LINGO1: variants seen among roughly 807,000 people sequenced by gnomAD.
LINGO1 encodes the protein leucine rich repeat and Ig domain containing 1.
A neutral mutation model predicts 37.3 loss-of-function variants in LINGO1; 11 were observed. The observed-to-expected ratio is 0.29, with a 90% confidence interval of 0.19 to 0.49. LINGO1 has a LOEUF of 0.49. LINGO1 is among the 20% of genes least tolerant of loss of function. The pLI is 0.99. For synonymous variants in LINGO1, 387 were observed against 403.0 expected, an observed-to-expected ratio of 0.96 and a Z score of 0.48; for missense variants, 585 against 878.2, an observed-to-expected ratio of 0.67 and a Z score of 4.22.
At chr15:77,764,175 T>C (rs1457743248) in intron 1 of LINGO1, among the ~76,000 whole-genome samples, 1 of 152,258 alleles carries the variant, frequency 6.6e-6, no homozygotes, top group Non-Finnish European at 1.5e-5. Context: ...TCTGCGTTCA[T>C]GCCCACCATA....
In LINGO1 at chr15:77,776,496, G is replaced by A. The variant is rs866144020; in HGVS notation, c.-257+10373C>T. Among the ~76,000 whole-genome samples the A allele has an allele frequency of 2.2e-3, 184 of 85,532 alleles. 1 individual carries two copies. The highest frequency in any genetic ancestry group is 6.6e-3 in the African/African-American group (126 of 19,004). The allele number at this position is 85,532 out of a possible 152,430, so 56.1% of individuals were successfully genotyped here. A position where few individuals can be genotyped will look rare whatever the true frequency, so the allele number is the denominator to read the frequency against. On this transcript the variant is annotated intron_variant, in intron 1 of 3. Transcript: ENST00000561686. ...AGGCAGGAAGGCAGGAAAGCAGGAA[G>A]GCAGGAAGGCAGGAAGGCAGGAAGG...
intron 3 of LINGO1, among the ~76,000 whole-genome samples, chr15:77,644,857 G>A (rs1266837748): frequency 3.3e-5 from 5 of 152,182 alleles, no homozygotes; most frequent in African/African-American, 1.2e-4. Context: ...GTTGGATAAA[G>A]GGCCACTGGG....
chr15:77,779,606 G>A (rs945496648), intron 1 of LINGO1, among the ~76,000 whole-genome samples: 2 of 151,998 alleles, frequency 1.3e-5, no homozygotes, highest in African/African-American at 2.4e-5. Flanking sequence ...TAGGGTTCTC[G>A]CTCCTATGAA....
intron 3 of LINGO1, among the ~76,000 whole-genome samples, chr15:77,662,214 G>T (rs1392874526): frequency 6.6e-6 from 1 of 152,132 alleles, no homozygotes; most frequent in Non-Finnish European, 1.5e-5. Flanking sequence ...GTCAGGTAGG[G>T]TTAGCAGAGG....
At chr15:77,639,147 A>C (rs2074450209), upstream of LINGO1, among the ~76,000 whole-genome samples, 1 of 151,984 alleles carries the variant, frequency 6.6e-6, no homozygotes, top group Admixed American at 6.6e-5. Context: ...GAGCCTTGAG[A>C]TGACTGAAGC....
intron 3 of LINGO1, among the ~76,000 whole-genome samples, chr15:77,675,246 G>A (rs1241939768): frequency 6.6e-6 from 1 of 152,164 alleles, no homozygotes; most frequent in Non-Finnish European, 1.5e-5. Flanking sequence ...GTGGAAATGT[G>A]GGTGCCCTCT....
At chr15:77,766,304 A>AC (rs1391680557) in intron 1 of LINGO1, among the ~76,000 whole-genome samples, 2 of 150,742 alleles carry the variant, frequency 1.3e-5, no homozygotes, top group African/African-American at 4.9e-5. Context: ...TCTCAAAAAA[A>AC]AAAAAAAAAA....
intron 3 of LINGO1, among the ~76,000 whole-genome samples, chr15:77,666,168 C>T (rs977251252): frequency 2.0e-5 from 3 of 152,232 alleles, no homozygotes; most frequent in Admixed American, 6.5e-5. Flanking sequence ...TGGACATCTC[C>T]GCCAAGTCCT....
chr15:77,819,062 G>C (rs961292161), intron 1 of LINGO1, among the ~76,000 whole-genome samples: 1 of 151,322 alleles, frequency 6.6e-6, no homozygotes, highest in Non-Finnish European at 1.5e-5. Flanking sequence ...GCCGCGGCCT[G>C]GGCTGCCGAG....
intron 2 of LINGO1, among the ~76,000 whole-genome samples, chr15:77,685,709 C>T (rs1396277459): frequency 2.0e-5 from 3 of 148,086 alleles, no homozygotes; most frequent in Non-Finnish European, 4.5e-5. Flanking sequence ...AAAAAAACGC[C>T]AGGAATGGTG....
upstream of LINGO1, among the ~76,000 whole-genome samples, chr15:77,633,925 A>AG: frequency 6.6e-6 from 1 of 152,310 alleles, no homozygotes; most frequent in Middle Eastern, 3.4e-3. Context: ...CCTTGAAGCC[A>AG]GACGCCCTTT....
At chr15:77,664,166 T>C (rs1471042605) in intron 3 of LINGO1, among the ~76,000 whole-genome samples, 1,777 of 123,008 alleles carry the variant, frequency 0.014, 50 homozygotes, top group African/African-American at 0.073. Flanking sequence ...TGTGTGTGTG[T>C]GTGTGCGCGC....
chr15:77,660,343 T>A (rs2074962637), intron 3 of LINGO1, among the ~76,000 whole-genome samples: 1 of 152,164 alleles, frequency 6.6e-6, no homozygotes, highest in African/African-American at 2.4e-5. Context: ...TGTGTGATGA[T>A]ACTCGGCGCC....
intron 3 of LINGO1, chr15:77,641,685 C>T: frequency 5.5e-6 from 2 of 366,314 alleles, no homozygotes; most frequent in South Asian, 4.1e-5. Flanking sequence ...TGGCCCCACA[C>T]CCCGTCTCCC....
intron 2 of LINGO1, among the ~76,000 whole-genome samples, chr15:77,701,861 T>C (rs956405352): frequency 6.6e-6 from 1 of 152,112 alleles, no homozygotes; most frequent in Non-Finnish European, 1.5e-5. Flanking sequence ...ACATACTCCT[T>C]TTCTTTATAA....
chr15:77,727,722 A>G (rs1047997080), intron 2 of LINGO1, among the ~76,000 whole-genome samples: 2 of 128,670 alleles, frequency 1.6e-5, no homozygotes, highest in African/African-American at 5.1e-5. Context: ...GATACATTTT[A>G]TATGTTTTTT....
upstream of LINGO1, among the ~76,000 whole-genome samples, chr15:77,697,014 T>C (rs568074878): frequency 4.6e-5 from 7 of 152,210 alleles, no homozygotes; most frequent in South Asian, 1.2e-3. Flanking sequence ...TCAGCAGGAC[T>C]GGCTAAGGCA....
At chr15:77,618,331 G>A (rs551719188) in intron 1 of LINGO1, among the ~76,000 whole-genome samples, 1 of 152,248 alleles carries the variant, frequency 6.6e-6, no homozygotes, top group East Asian at 1.9e-4. Flanking sequence ...TTTCCCACCA[G>A]TCCCTGAGCA....
At chr15:77,797,917 G>A (rs556819066) in intron 1 of LINGO1, among the ~76,000 whole-genome samples, 22 of 152,352 alleles carry the variant, frequency 1.4e-4, no homozygotes, top group African/African-American at 4.8e-4. Context: ...TGTAGGAGAT[G>A]CTTTGGGGCC....
Sources: gnomAD v4.1 joint callset for allele counts (sites outside exome capture counted in the v4.1 genomes callset) on GRCh38, gnomAD v4.1.1 for gene constraint, MANE v1.5 for transcripts, NCBI Gene and HGNC (gene_info 2026-07-23, HGNC 2026-07-21) for gene names.